Variants in SH3GL3 observed in about 807,000 individuals in gnomAD.
SH3GL3 encodes the protein SH3 domain containing GRB2 like 3, endophilin A3.
A neutral mutation model predicts 47.7 loss-of-function variants in SH3GL3; 33 were observed. That is an observed-to-expected ratio of 0.69 (90% CI 0.52 to 0.92). SH3GL3 has a LOEUF of 0.92. SH3GL3 is among the 40% of genes least tolerant of loss of function. The pLI is 0.00. For synonymous variants in SH3GL3, 155 were observed against 148.8 expected (o/e 1.04, Z -0.30); for missense variants, 363 against 417.8 (o/e 0.87, Z 1.14).
intron 1 of SH3GL3, among the ~76,000 whole-genome samples, chr15:83,507,332 G>A (rs993243631): frequency 6.6e-6 from 1 of 151,706 alleles, no homozygotes; most frequent in African/African-American, 2.4e-5. Flanking sequence ...TTTAATGAAT[G>A]ATCTTTACTG....
chr15:83,628,019 C>G, the SH3GL3 span, among the ~76,000 whole-genome samples: 1 of 152,142 alleles, frequency 6.6e-6, no homozygotes, highest in African/African-American at 2.4e-5. Context: ...GCTGAACTAC[C>G]ACAACCTCTT....
At chr15:83,470,293 C>T (rs1362339921) in intron 1 of SH3GL3, among the ~76,000 whole-genome samples, 1 of 152,188 alleles carries the variant, frequency 6.6e-6, no homozygotes, top group African/African-American at 2.4e-5. Context: ...GGCGTGATCT[C>T]AGCTCACTGC....
At chr15:83,590,105 T>C (rs1037077383) in intron 8 of SH3GL3, among the ~76,000 whole-genome samples, 5 of 152,184 alleles carry the variant, frequency 3.3e-5, no homozygotes, top group African/African-American at 1.2e-4. Flanking sequence ...TTATTTGTGT[T>C]TTTTGGGAGT....
chr15:83,457,126 C>G (rs1455872636), intron 1 of SH3GL3, among the ~76,000 whole-genome samples: 1 of 152,180 alleles, frequency 6.6e-6, no homozygotes, highest in East Asian at 1.9e-4. Context: ...TCAGGGCACA[C>G]CTATGTGTGT....
At chr15:83,592,749 C>A (rs2060140813) in intron 8 of SH3GL3, among the ~76,000 whole-genome samples, 1 of 152,172 alleles carries the variant, frequency 6.6e-6, no homozygotes. Flanking sequence ...CATCCTGCCT[C>A]CTCCACACTC....
At chr15:83,588,528 C>G (rs541057040) in intron 7 of SH3GL3, 134 bp from the exon 8 acceptor site, 49 of 636,514 alleles carry the variant, frequency 7.7e-5, no homozygotes, top group African/African-American at 6.1e-4. Flanking sequence ...ACTCAAGAGT[C>G]AGTGTGTAAA....
intron 1 of SH3GL3, among the ~76,000 whole-genome samples, chr15:83,468,838 C>A (rs2040704110): frequency 2.1e-5 from 3 of 142,470 alleles, no homozygotes. Flanking sequence ...AGTTTTGGTA[C>A]CTTAATAAAA....
intron 1 of SH3GL3, among the ~76,000 whole-genome samples, chr15:83,534,370 G>C (rs1313541164): frequency 1.3e-5 from 2 of 152,118 alleles, no homozygotes; most frequent in African/African-American, 4.8e-5. Context: ...GTTACTTCTA[G>C]TGCAGCAGTG....
intron 1 of SH3GL3, among the ~76,000 whole-genome samples, chr15:83,536,080 G>C (rs553542082): frequency 2.0e-4 from 30 of 152,192 alleles, no homozygotes; most frequent in Non-Finnish European, 1.3e-4. Flanking sequence ...ACCAGACCAG[G>C]CTGTTACTGC....
intron 8 of SH3GL3, among the ~76,000 whole-genome samples, chr15:83,614,204 G>T (rs533564090): frequency 6.6e-6 from 1 of 152,198 alleles, no homozygotes; most frequent in African/African-American, 2.4e-5. Flanking sequence ...CCCATGCTTT[G>T]TTTGAAATCA....
intron 8 of SH3GL3, among the ~76,000 whole-genome samples, chr15:83,591,988 TA>T (rs929632111): frequency 2.6e-5 from 4 of 152,120 alleles, no homozygotes; most frequent in Non-Finnish European, 4.4e-5. Flanking sequence ...TATACATTTT[TA>T]AAAAAAACAT....
chr15:83,619,908 T>C (rs1176191015), downstream of SH3GL3, among the ~76,000 whole-genome samples: 1 of 152,248 alleles, frequency 6.6e-6, no homozygotes, highest in Non-Finnish European at 1.5e-5. Flanking sequence ...ACAGAACTTC[T>C]TTCAAAATTT....
intron 1 of SH3GL3, among the ~76,000 whole-genome samples, chr15:83,555,910 C>CTGTT (rs905232841): frequency 2.0e-5 from 3 of 152,168 alleles, no homozygotes; most frequent in African/African-American, 7.2e-5. Context: ...AATGTTTATT[C>CTGTT]TGTTTTTGAG....
intron 1 of SH3GL3, among the ~76,000 whole-genome samples, chr15:83,548,224 C>T (rs1567325762): frequency 6.6e-6 from 1 of 151,674 alleles, no homozygotes; most frequent in African/African-American, 2.4e-5. Flanking sequence ...CAAGACATTA[C>T]TTTTATTTTA....
chr15:83,560,646 ATATAAAGTCTATTATCTGTTTTAT>A (rs2045219142), intron 2 of SH3GL3, among the ~76,000 whole-genome samples: 1 of 152,226 alleles, frequency 6.6e-6, no homozygotes, highest in South Asian at 2.1e-4. Context: ...TACAGAAGAA[ATATAAAGTCTATTATCTGTTTTAT>A]TACAGCAGTG....
intron 1 of SH3GL3, among the ~76,000 whole-genome samples, chr15:83,470,636 C>T (rs1395235036): frequency 2.6e-5 from 4 of 152,160 alleles, no homozygotes; most frequent in Non-Finnish European, 5.9e-5. Context: ...AATGTAATTA[C>T]TTATATGTTA....
intron 1 of SH3GL3, among the ~76,000 whole-genome samples, chr15:83,449,702 G>A (rs533648321): frequency 6.4e-4 from 93 of 145,426 alleles, no homozygotes; most frequent in African/African-American, 1.3e-3. Context: ...TGAACAGAAC[G>A]TCTTATTTAG....
At chr15:83,610,882 G>C (rs1284223968) in intron 8 of SH3GL3, among the ~76,000 whole-genome samples, 1 of 152,036 alleles carries the variant, frequency 6.6e-6, no homozygotes, top group Non-Finnish European at 1.5e-5. Flanking sequence ...GTAGGGCTGA[G>C]GAATTGTAGG....
chr15:83,559,466 C>G (rs750869118), intron 2 of SH3GL3, 145 bp downstream of exon 2: 4 of 594,378 alleles, frequency 6.7e-6, no homozygotes, highest in Non-Finnish European at 9.1e-6. Flanking sequence ...GCAGTACTTT[C>G]CCACGTCCCA....
Sources: allele counts gnomAD v4.1 joint callset (sites outside exome capture counted in the v4.1 genomes callset), GRCh38; gene constraint gnomAD v4.1.1; transcripts MANE v1.5; gene names NCBI Gene and HGNC (gene_info 2026-07-23, HGNC 2026-07-21).